The following INSYN2A variants were observed in gnomAD, a reference collection of about 807,000 sequenced individuals.
INSYN2A encodes the protein inhibitory synaptic factor 2A.
INSYN2A carries 17 observed loss-of-function variants against 39.4 expected under a neutral mutation model. The observed-to-expected ratio is 0.43, with a 90% CI of 0.30 to 0.65. The LOEUF (loss-of-function observed/expected upper bound fraction) is 0.65. Among genes scored for constraint, INSYN2A ranks in the 30% least tolerant of loss-of-function variants. The probability of loss-of-function intolerance (pLI) is 0.14; values close to 1 mark genes in which losing one functional copy is unlikely to be tolerated. For synonymous variants in INSYN2A, 255 were observed against 265.7 expected (o/e 0.96, Z 0.39); for missense variants, 595 against 631.2 (o/e 0.94, Z 0.61).
intron 2 of INSYN2A, among the ~76,000 whole-genome samples, chr10:127,188,414 G>A (rs187658169): frequency 2.0e-5 from 3 of 152,156 alleles, no homozygotes; most frequent in African/African-American, 4.8e-5. Flanking sequence ...GGTTGGAGAC[G>A]CAAAACATTT....
rs538461092 is a variant in INSYN2A, at chr10:127,140,294, C to T, written c.1257-2274G>A. The stretch of plus-strand genomic sequence containing the variant: ...CTGAGTTCTTGTTAACAAAATGACT[C>T]GACTTTATCTGTCGAGTTGATTCCT... On this transcript the variant is annotated intron_variant, in intron 5 of 5. Coordinates refer to ENST00000522781, the MANE Select transcript of INSYN2A (RefSeq NM_001039762.3). Among the ~76,000 whole-genome samples, 6 of 152,266 alleles carry T rather than the reference C, an allele frequency of 3.9e-5. 1 individual carries two copies. The South Asian group carries it at 1.0e-3, about 26-fold the overall frequency.
intron 4 of INSYN2A, among the ~76,000 whole-genome samples, chr10:127,164,913 A>G (rs181944878): frequency 1.6e-4 from 25 of 152,332 alleles, no homozygotes; most frequent in African/African-American, 5.8e-4. Context: ...AGGAGCAGCT[A>G]TTAATAAGGA....
At chr10:127,191,204 C>T (rs530570500) in intron 2 of INSYN2A, among the ~76,000 whole-genome samples, 1 of 152,292 alleles carries the variant, frequency 6.6e-6, no homozygotes, top group Non-Finnish European at 1.5e-5. Flanking sequence ...CACTCTCTGC[C>T]TGTAATCTCC....
At chr10:127,193,027 C>CGTCATGTA (rs1398062865) in intron 1 of INSYN2A, among the ~76,000 whole-genome samples, 5 of 152,108 alleles carry the variant, frequency 3.3e-5, no homozygotes, top group African/African-American at 1.2e-4. Context: ...ATGAAAGTGT[C>CGTCATGTA]GTCATGTAGT....
At chr10:127,158,004 T>G (rs1373620115) in intron 4 of INSYN2A, among the ~76,000 whole-genome samples, 1 of 152,232 alleles carries the variant, frequency 6.6e-6, no homozygotes, top group East Asian at 1.9e-4. Context: ...TGTAATCCAT[T>G]GTGCTTACTG....
intron 4 of INSYN2A, among the ~76,000 whole-genome samples, chr10:127,164,425 C>T (rs1422187168): frequency 3.3e-5 from 5 of 152,072 alleles, no homozygotes; most frequent in African/African-American, 1.2e-4. Flanking sequence ...TCAGGTGATC[C>T]ACCCGCCTCG....
In INSYN2A at chr10:127,158,258, T is replaced by C. The variant is rs185867929; in HGVS notation, c.1185-4335A>G. Among the ~76,000 whole-genome samples, 612 of 152,334 alleles carry C rather than the reference T, an allele frequency of 4.0e-3. 1 individual carries two copies. The highest frequency in any genetic ancestry group is 7.2e-3 in the Admixed American group (110 of 15,302). ...CAGTACTTTGAATGATTCTCTATATTGCCATTGCCATAAGGAAGAACAACC... is the reference window on the plus strand; with the variant it reads ...CAGTACTTTGAATGATTCTCTATATCGCCATTGCCATAAGGAAGAACAACC... On this transcript the variant is annotated intron_variant, in intron 4 of 5. Transcript: ENST00000522781.
In INSYN2A at chr10:127,192,597, T is replaced by A. The variant is rs1352538242; in HGVS notation, c.-269+8A>T. 3 of 152,246 alleles carry A rather than the reference T, an allele frequency of 2.0e-5. No homozygotes were observed. The highest frequency in any genetic ancestry group is 2.9e-5 in the Non-Finnish European group (2 of 68,044). 9.4% of individuals were successfully genotyped at this position (152,246 alleles called of 1,614,324 possible). ...ACTCAAATGCACACTGAATATCCTG[T>A]GACTTACAGTAGAGGGGTCTCTGAA... On this transcript the variant is annotated splice_region_variant and intron_variant, in intron 2 of 5. Transcript: ENST00000522781.
intron 5 of INSYN2A, among the ~76,000 whole-genome samples, chr10:127,139,845 C>G (rs1477774156): frequency 6.6e-6 from 1 of 152,152 alleles, no homozygotes; most frequent in Non-Finnish European, 1.5e-5. Flanking sequence ...GCCTCCTAAA[C>G]TGTAAGATGC....
chr10:127,139,348 G>T (rs2051005087), intron 5 of INSYN2A, among the ~76,000 whole-genome samples: 1 of 151,870 alleles, frequency 6.6e-6, no homozygotes, highest in South Asian at 2.1e-4. Context: ...TAAATCCACT[G>T]TTCCATTTTT....
Position 127,137,934 on chromosome 10 carries a change from G to T in INSYN2A, c.1343C>A (p.Pro448His). ...GTAAGTCTCCTGAGAGTAAGGCGAA[G>T]GTATGACCTGAGTTTCCTCAATAGG... ...LHPIEETQVI[P>H]SPYSQETYSS... The change falls in exon 6 of 6, where the codon CCT becomes CAT. Residue 448 changes from proline to histidine, a missense_variant. This residue lies in a region of INSYN2A where 117 missense variants were observed against 163.8 expected (regional missense o/e 0.71). Transcript: ENST00000522781. 1 of 1,614,144 alleles carries T rather than the reference G, an allele frequency of 6.2e-7. No homozygotes were observed. The highest frequency in any genetic ancestry group is 8.5e-7 in the Non-Finnish European group (1 of 1,180,000).
intron 5 of INSYN2A, among the ~76,000 whole-genome samples, chr10:127,148,894 C>G (rs1022396466): frequency 1.3e-5 from 2 of 152,054 alleles, no homozygotes; most frequent in African/African-American, 4.8e-5. Flanking sequence ...TGCATCACAA[C>G]CGAAGGGATG....
intron 5 of INSYN2A, among the ~76,000 whole-genome samples, chr10:127,145,674 C>T (rs989224603): frequency 1.3e-5 from 2 of 152,158 alleles, no homozygotes; most frequent in African/African-American, 4.8e-5. Context: ...ACATGGGTGA[C>T]GTCCCGGGCT....
rs35712812 is a variant in INSYN2A, at chr10:127,150,990, G to C, written c.1256+2862C>G. On this transcript the variant is annotated intron_variant, in intron 5 of 5. Transcript: ENST00000522781. ...TCAAATGGGAGATTTCAATTCATGC[G>C]ATTCAAATTAAAATAACATGTTTAA... is the stretch of plus-strand genomic sequence containing the variant. 8.3e-4 allele frequency among the ~76,000 whole-genome samples: 127 copies of C among 152,266 alleles called. No individual in the cohort carries two copies. In the Middle Eastern group the frequency reaches 0.01, roughly 12 times the overall value.
intron 5 of INSYN2A, among the ~76,000 whole-genome samples, chr10:127,149,359 T>C (rs915222027): frequency 1.3e-5 from 2 of 152,128 alleles, no homozygotes; most frequent in African/African-American, 2.4e-5. Flanking sequence ...CTGGTGGTTT[T>C]CCCCCCGCCT....
intron 1 of INSYN2A, 113 bp from the exon 2 acceptor site, chr10:127,192,843 G>C (rs575385848): frequency 6.6e-6 from 1 of 152,200 alleles, no homozygotes; most frequent in South Asian, 2.1e-4. Flanking sequence ...ATCCTGTCAG[G>C]GTCCCTATAG....
chr10:127,142,072 G>C (rs754026983), intron 5 of INSYN2A, among the ~76,000 whole-genome samples: 1 of 152,198 alleles, frequency 6.6e-6, no homozygotes, highest in African/African-American at 2.4e-5. Context: ...TAAGGGGAGC[G>C]TGAGAGTTAC....
intron 4 of INSYN2A, among the ~76,000 whole-genome samples, chr10:127,160,900 A>G (rs7077003): frequency 0.31 from 47,587 of 152,148 alleles, 7,890 homozygotes; most frequent in African/African-American, 0.41. Flanking sequence ...TCTTCTCGAT[A>G]ACTAAGCCAT....
intron 4 of INSYN2A, among the ~76,000 whole-genome samples, chr10:127,164,435 G>A (rs1437654951): frequency 1.3e-5 from 2 of 152,006 alleles, no homozygotes; most frequent in South Asian, 2.1e-4. Context: ...CACCCGCCTC[G>A]GCCTCCCAGA....
Sources: gnomAD v4.1 joint callset for allele counts (sites outside exome capture counted in the v4.1 genomes callset) on GRCh38, gnomAD v4.1.1 for gene constraint, gnomAD v4.1.1 regional missense constraint, MANE v1.5 for transcripts, NCBI Gene and HGNC (gene_info 2026-07-23, HGNC 2026-07-21) for gene names.